Variants in MATR3 observed in about 807,000 individuals in gnomAD.
The protein encoded by MATR3 is matrin-3.
Under a neutral mutation model 85.5 loss-of-function variants are expected in MATR3, and 4 were observed. That is an observed-to-expected ratio of 0.05 (90% CI 0.02 to 0.11). The LOEUF (loss-of-function observed/expected upper bound fraction) is 0.11. Among genes scored for constraint, MATR3 ranks in the 10% least tolerant of loss-of-function variants. The pLI, the probability that MATR3 is intolerant of heterozygous loss-of-function variation, is 1.00. For missense variants in MATR3, 685 were observed against 1,016.1 expected, an observed-to-expected ratio of 0.67 and a Z score of 4.43; for synonymous variants, 336 against 343.1, an observed-to-expected ratio of 0.98 and a Z score of 0.23.
At chr5:139,296,099 A>C in intron 1 of MATR3, among the ~76,000 whole-genome samples, 1 of 152,228 alleles carries the variant, frequency 6.6e-6, no homozygotes, top group Non-Finnish European at 1.5e-5. Context: ...TAATAGGCTT[A>C]AAATGGAAAG....
intron 8 of MATR3, 55 bp from the exon 9 acceptor site, chr5:139,319,279 C>T (rs753875919): frequency 4.4e-5 from 67 of 1,524,064 alleles, no homozygotes; most frequent in Non-Finnish European, 5.8e-5. Context: ...ATGTTTTTAA[C>T]TGTTAACTAA....
In MATR3 at chr5:139,325,531, C is replaced by A. The variant is rs769251601; in HGVS notation, c.2240C>A (p.Ser747Tyr). The A allele has an allele frequency of 1.2e-5, 20 of 1,614,072 alleles. No homozygotes were observed. The South Asian group carries it at 2.0e-4, about 16-fold the overall frequency. Residue 747 changes from serine (S) to tyrosine (Y), a missense_variant, in exon 13 of 15, where the codon TCT becomes TAT. Transcript: ENST00000394805. Reference protein sequence around the residue: ...NEENTEPGAESSENADDPNKD... With the variant: ...NEENTEPGAEYSENADDPNKD... ...GAAAACACAGAACCAGGTGCTGAAT[C>A]TTCTGAGAACGCTGATGATCCCAAC...
intron 2 of MATR3, chr5:139,314,185 G>A (rs548699484): frequency 5.9e-6 from 1 of 170,392 alleles, no homozygotes; most frequent in African/African-American, 2.4e-5. Context: ...CCAAAGTGTT[G>A]GGATTATAGG....
At chr5:139,327,713 G>T (rs1009735586) in intron 14 of MATR3, among the ~76,000 whole-genome samples, 1 of 152,096 alleles carries the variant, frequency 6.6e-6, no homozygotes, top group Admixed American at 6.5e-5. Context: ...GAGCCATAGT[G>T]CCCGCCCTGG....
At position 139,322,888 on chromosome 5, in the gene MATR3, A is replaced by G. The variant is rs545912132; in HGVS notation, c.2069A>G (p.Asp690Gly). 2 of 1,614,070 alleles carry G rather than the reference A, an allele frequency of 1.2e-6. No homozygotes were observed. Among genetic ancestry groups the G allele is most frequent in the African/African-American group, 1.3e-5 (1 of 75,020 alleles). ...DLANLGDVASDGKKEPSDKAV... is the reference protein window; with the variant it reads ...DLANLGDVASGGKKEPSDKAV... ...GCTAATTTAGGTGATGTGGCTTCTG[A>G]TGGGAAAAAGGAACCATCAGATAAA... is the stretch of plus-strand genomic sequence containing the variant. The change falls in exon 12 of 15, where the codon GAT becomes GGT. Residue 690 changes from aspartate to glycine, a missense_variant. Transcript: ENST00000394805.
intron 2 of MATR3, chr5:139,276,343 C>A (rs116376826): frequency 5.0e-6 from 2 of 396,990 alleles, no homozygotes; most frequent in East Asian, 7.3e-5. Flanking sequence ...TTAAGGCAGG[C>A]GTGTTTTTTG....
intron 3 of MATR3, among the ~76,000 whole-genome samples, chr5:139,284,797 A>G (rs1753650482): frequency 6.6e-6 from 1 of 152,172 alleles, no homozygotes; most frequent in East Asian, 1.9e-4. Context: ...AAGCAGGCAT[A>G]TTGGTAAGTA....
intron 3 of MATR3, chr5:139,280,802 G>C (rs1263971202): frequency 6.6e-6 from 1 of 151,408 alleles, no homozygotes; most frequent in Non-Finnish European, 1.5e-5. Flanking sequence ...CATGTGCAGA[G>C]ACGTTCCTAT....
In MATR3 at chr5:139,307,878, A is replaced by G; in HGVS notation, c.463A>G (p.Thr155Ala). The G allele has an allele frequency of 1.2e-6, 2 of 1,614,070 alleles. No homozygotes were observed. The highest frequency in any genetic ancestry group is 1.3e-5 in the African/African-American group (1 of 75,028). ...AAGGAGGAGAACTGAAGAAGGCCCT[A>G]CCTTGAGTTATGGTAGAGATGGCAG... ...LKRRRTEEGP[T>A]LSYGRDGRSA... The change falls in exon 2 of 15, where the codon ACC becomes GCC. Residue 155 changes from threonine (T) to alanine (A), a missense_variant. Thr to Ala is a moderately conservative substitution (Grantham distance 58, BLOSUM62 0). Around this residue, in one of 9 missense-constraint regions of MATR3, gnomAD observed 223 missense variants for 334.4 expected, o/e 0.67. Coordinates refer to ENST00000394805, the MANE Select transcript of MATR3 (RefSeq NM_018834.6). This position sits in a 1 kb window ranked among gnomAD's most constrained non-coding sequence, Gnocchi z 4.4.
intron 1 of MATR3, among the ~76,000 whole-genome samples, chr5:139,296,946 G>T (rs1426459816): frequency 6.6e-6 from 1 of 152,166 alleles, no homozygotes; most frequent in East Asian, 1.9e-4. Context: ...AAGGCGGGCG[G>T]ATCATCTGAG....
At chr5:139,286,770 G>C (rs922848010) in intron 3 of MATR3, among the ~76,000 whole-genome samples, 3 of 151,656 alleles carry the variant, frequency 2.0e-5, no homozygotes, top group African/African-American at 7.3e-5. Context: ...CTTGAACCTG[G>C]GAGGCGGAGG....
rs189015673 is a variant in MATR3 at position 139,293,841 on chromosome 5, G to A, written c.-178+36G>A. On this transcript the variant is annotated intron_variant, in intron 1 of 14. Transcript: ENST00000394805. Reference sequence around the variant, plus strand: ...AGCGGGTAAGAGTCGGGGTCGGGTGGCTGGGGGTTCTCCGTGTCCGCCGGG... The same window carrying A: ...AGCGGGTAAGAGTCGGGGTCGGGTGACTGGGGGTTCTCCGTGTCCGCCGGG... 1.9e-5 allele frequency: 9 copies of A among 479,850 alleles called. No homozygotes were observed. The East Asian group carries it at 2.8e-4, about 15-fold the overall frequency. The allele number at this position is 479,850 out of a possible 1,614,324, so 29.7% of individuals were successfully genotyped here.
chr5:139,288,564 C>G (rs931592293), intron 3 of MATR3, among the ~76,000 whole-genome samples: 1 of 152,080 alleles, frequency 6.6e-6, no homozygotes, highest in Non-Finnish European at 1.5e-5. Context: ...GTGGAAGACT[C>G]AAGAGTCACT....
In MATR3 at chr5:139,330,144, A is replaced by T. The variant is rs1472618319; in HGVS notation, c.*749A>T. 2 of 454,432 alleles carry T rather than the reference A, an allele frequency of 4.4e-6. No individual in the cohort carries two copies. Among genetic ancestry groups the T allele is most frequent in the African/African-American group, 4.0e-5 (2 of 50,008 alleles). 28.1% of individuals were successfully genotyped at this position (454,432 alleles called of 1,614,324 possible). Reference sequence around the variant, plus strand: ...CCCGTGATTGTCATACATCTCTGGTATAAGCAACATTTGATTTTTGAAGTG... The same window carrying T: ...CCCGTGATTGTCATACATCTCTGGTTTAAGCAACATTTGATTTTTGAAGTG... On this transcript the variant is annotated 3_prime_UTR_variant, in exon 15 of 15. Transcript: ENST00000394805.
chr5:139,327,135 A>G (rs768534170), intron 14 of MATR3, among the ~76,000 whole-genome samples: 1 of 152,282 alleles, frequency 6.6e-6, no homozygotes, highest in South Asian at 2.1e-4. Flanking sequence ...ACTGAAACTT[A>G]AAAGTAGTTG....
At chr5:139,296,568 C>A (rs1024671083) in intron 1 of MATR3, among the ~76,000 whole-genome samples, 4 of 151,956 alleles carry the variant, frequency 2.6e-5, no homozygotes, top group African/African-American at 7.3e-5. Flanking sequence ...TATTTTTAAG[C>A]GAAATTGGCA....
intron 1 of MATR3, among the ~76,000 whole-genome samples, chr5:139,295,930 C>T (rs1208407763): frequency 2.0e-5 from 3 of 152,094 alleles, no homozygotes; most frequent in Admixed American, 1.3e-4. Context: ...CTTAAGTAAT[C>T]CTCCCACCTC....
chr5:139,328,605 G>C (rs1440026017), intron 14 of MATR3, among the ~76,000 whole-genome samples: 1 of 152,132 alleles, frequency 6.6e-6, no homozygotes, highest in African/African-American at 2.4e-5. Flanking sequence ...GTTTATAATT[G>C]AGTGCAGGAT....
chr5:139,318,552 G>A (rs946209782), intron 7 of MATR3, among the ~76,000 whole-genome samples: 3 of 151,870 alleles, frequency 2.0e-5, no homozygotes, highest in Non-Finnish European at 4.4e-5. Context: ...CCATTCTCCT[G>A]CCTCAGCCTC....
Sources: allele counts gnomAD v4.1 joint callset (sites outside exome capture counted in the v4.1 genomes callset), GRCh38; gene constraint gnomAD v4.1.1; regional missense constraint gnomAD v4.1.1; non-coding constraint Gnocchi (gnomAD v3.1); transcripts MANE v1.5; gene names NCBI Gene and HGNC (gene_info 2026-07-23, HGNC 2026-07-21).